VPS13B: variants seen among roughly 807,000 people sequenced by gnomAD.
VPS13B encodes the protein intermembrane lipid transfer protein VPS13B.
VPS13B carries 285 observed loss-of-function variants against 426.4 expected under a neutral mutation model. The ratio of observed to expected loss-of-function variants is 0.67; its 90% CI spans 0.61 to 0.74. VPS13B has a LOEUF of 0.74. Among genes scored for constraint, VPS13B ranks in the 30% least tolerant of loss-of-function variants. The pLI is 0.00. For missense variants in VPS13B, 4,537 were observed against 4,782.6 expected (o/e 0.95, Z 1.51); for synonymous variants, 1,676 against 1,676.4 (o/e 1.00, Z 0.01).
chr8:99,027,055 T>C (rs557237714), intron 2 of VPS13B, among the ~76,000 whole-genome samples: 16 of 152,178 alleles, frequency 1.1e-4, no homozygotes, highest in Admixed American at 2.6e-4. Context: ...TTTTGTATTT[T>C]TATGGAGATG....
chr8:99,401,456 C>T (rs567160693), intron 21 of VPS13B, among the ~76,000 whole-genome samples: 2 of 152,222 alleles, frequency 1.3e-5, no homozygotes, highest in South Asian at 4.2e-4. Flanking sequence ...TTGAAGAGCC[C>T]TTGGCAATTC....
intron 33 of VPS13B, among the ~76,000 whole-genome samples, chr8:99,623,461 T>C (rs1369314749): frequency 1.3e-5 from 2 of 152,094 alleles, no homozygotes; most frequent in Admixed American, 1.3e-4. Flanking sequence ...CAAGGAGAGT[T>C]TTTTTGTTGT....
At chr8:99,683,297 G>A (rs541188093) in intron 35 of VPS13B, among the ~76,000 whole-genome samples, 1 of 152,182 alleles carries the variant, frequency 6.6e-6, no homozygotes, top group Non-Finnish European at 1.5e-5. Context: ...CTCCAATGTT[G>A]TTATTCTTTC....
At chr8:99,338,235 C>G (rs1369209605) in intron 19 of VPS13B, among the ~76,000 whole-genome samples, 2 of 151,802 alleles carry the variant, frequency 1.3e-5, no homozygotes, top group Non-Finnish European at 2.9e-5. Context: ...TTAAAAACAC[C>G]TGTTAGAATT....
In VPS13B at chr8:99,103,050, C is replaced by T. The variant is rs749836132; in HGVS notation, c.510C>T (p.Ser170=). The T allele has an allele frequency of 2.1e-5, 34 of 1,613,434 alleles. No homozygotes were observed. The South Asian group carries it at 2.2e-4, about 10-fold the overall frequency. ...ATGTTGAAGATGATATCGTCCTTTC[C>T]GTCAATATCACTTCTGCAGAATGTT... ...LKYVEDDIVL[S]VNITSAECYT... The change falls in exon 5 of 62, where the codon TCC becomes TCT. Residue 170 remains serine, a synonymous_variant. Coordinates refer to ENST00000357162, the MANE Select transcript of VPS13B (RefSeq NM_152564.5).
intron 19 of VPS13B, among the ~76,000 whole-genome samples, chr8:99,307,144 A>C (rs1820682076): frequency 6.6e-6 from 1 of 152,128 alleles, no homozygotes; most frequent in Non-Finnish European, 1.5e-5. Flanking sequence ...CTGTTGTTTT[A>C]ATCTCTTGAT....
intron 19 of VPS13B, among the ~76,000 whole-genome samples, chr8:99,380,889 T>TA (rs1211117232): frequency 1.1e-4 from 16 of 148,932 alleles, no homozygotes; most frequent in African/African-American, 2.3e-4. Flanking sequence ...TTTTTTTTTT[T>TA]TAAAAAAAAA....
chr8:99,690,799 T>C (rs935589839), intron 35 of VPS13B, among the ~76,000 whole-genome samples: 5 of 152,148 alleles, frequency 3.3e-5, no homozygotes. Flanking sequence ...CAAATCAAAA[T>C]CACAATGGGA....
At chr8:99,603,628 C>T (rs546541595) in intron 33 of VPS13B, among the ~76,000 whole-genome samples, 193 of 152,260 alleles carry the variant, frequency 1.3e-3, no homozygotes, top group South Asian at 3.5e-3. Context: ...GGATGATTCA[C>T]GACCCAGGCT....
At chr8:99,439,061 A>G (rs1224092499) in intron 22 of VPS13B, among the ~76,000 whole-genome samples, 1 of 152,134 alleles carries the variant, frequency 6.6e-6, no homozygotes, top group Non-Finnish European at 1.5e-5. Flanking sequence ...GGAGAGATGA[A>G]ATAGCTTGTC....
chr8:99,254,378 C>T (rs1817646392), intron 17 of VPS13B, among the ~76,000 whole-genome samples: 1 of 151,910 alleles, frequency 6.6e-6, no homozygotes, highest in Admixed American at 6.6e-5. Context: ...CTCCTGGCCT[C>T]TATGGTTTCT....
rs1378028864 is a variant in VPS13B at position 99,876,070 on chromosome 8, A to ATCTC, written c.*406_*409dup. 2.3e-5 allele frequency: 5 copies of ATCTC among 215,824 alleles called. No individual in the cohort carries two copies. Among genetic ancestry groups the ATCTC allele is most frequent in the Admixed American group, 5.5e-5 (1 of 18,180 alleles). 13.4% of individuals were successfully genotyped at this position (215,824 alleles called of 1,614,324 possible). A position where few individuals can be genotyped will look rare whatever the true frequency, so the allele number is the denominator to read the frequency against. ...TTTTTGCTCTATGACACTTGCAAAA[A>ATCTC]TCTCTACTGTAATTAATTTGGGTCT... is the stretch of plus-strand genomic sequence containing the variant. On this transcript the variant is annotated 3_prime_UTR_variant, in exon 62 of 62. Transcript: ENST00000357162.
chr8:99,102,726 A>T (rs1366294569), intron 4 of VPS13B, among the ~76,000 whole-genome samples: 1 of 152,190 alleles, frequency 6.6e-6, no homozygotes, highest in Non-Finnish European at 1.5e-5. Flanking sequence ...GTATATGAAT[A>T]CTTCACTATA....
intron 3 of VPS13B, among the ~76,000 whole-genome samples, chr8:99,044,277 G>T (rs1474335054): frequency 6.6e-6 from 1 of 151,334 alleles, no homozygotes; most frequent in African/African-American, 2.4e-5. Flanking sequence ...TAGAGACGGG[G>T]TTTCACCATG....
intron 17 of VPS13B, among the ~76,000 whole-genome samples, chr8:99,256,777 T>C (rs1817764431): frequency 6.6e-6 from 1 of 152,188 alleles, no homozygotes; most frequent in Non-Finnish European, 1.5e-5. Context: ...ATCTATGTAT[T>C]CTGGATACCA....
At chr8:99,428,296 TTAAAC>T (rs1563724835) in intron 21 of VPS13B, among the ~76,000 whole-genome samples, 1 of 152,104 alleles carries the variant, frequency 6.6e-6, no homozygotes, top group Non-Finnish European at 1.5e-5. Flanking sequence ...TGGGATCTAA[TTAAAC>T]TAAAGAGCTT....
chr8:99,258,330 T>C (rs1318740064), intron 17 of VPS13B, among the ~76,000 whole-genome samples: 1 of 151,918 alleles, frequency 6.6e-6, no homozygotes, highest in African/African-American at 2.4e-5. Flanking sequence ...TTTATGTATG[T>C]GGATAATACT....
chr8:99,594,597 A>G (rs1056282628), intron 33 of VPS13B, among the ~76,000 whole-genome samples: 1 of 151,930 alleles, frequency 6.6e-6, no homozygotes, highest in Admixed American at 6.6e-5. Context: ...GCTTGATTGG[A>G]TAAAAGAATG....
chr8:99,836,850 A>G (rs1340647842), intron 54 of VPS13B, among the ~76,000 whole-genome samples: 1 of 152,230 alleles, frequency 6.6e-6, no homozygotes, highest in African/African-American at 2.4e-5. Flanking sequence ...GACAACAGCC[A>G]TACAAGTTAG....
Sources: allele counts gnomAD v4.1 joint callset (sites outside exome capture counted in the v4.1 genomes callset), GRCh38; gene constraint gnomAD v4.1.1; transcripts MANE v1.5; gene names NCBI Gene and HGNC (gene_info 2026-07-23, HGNC 2026-07-21).